AP3S2: variants seen among roughly 807,000 people sequenced by gnomAD.
AP3S2 encodes adaptor related protein complex 3 subunit sigma 2.
A neutral mutation model predicts 23.4 loss-of-function variants in AP3S2; 22 were observed. The ratio of observed to expected loss-of-function variants is 0.94; its 90% CI spans 0.67 to 1.34. AP3S2 has a LOEUF of 1.34. Ranked by LOEUF, AP3S2 falls within the 40% of genes most tolerant of loss-of-function variation. The probability of loss-of-function intolerance (pLI) is 0.00; values close to 1 mark genes in which losing one functional copy is unlikely to be tolerated. For synonymous variants in AP3S2, 86 were observed against 87.1 expected (o/e 0.99, Z 0.07); for missense variants, 241 against 236.9 (o/e 1.02, Z -0.11).
chr15:89,851,001 C>T (rs998614505), intron 4 of AP3S2, among the ~76,000 whole-genome samples: 93 of 151,648 alleles, frequency 6.1e-4, no homozygotes, highest in African/African-American at 2.2e-3. Context: ...AGCACCTGGC[C>T]GATTTTTCAC....
intron 4 of AP3S2, among the ~76,000 whole-genome samples, chr15:89,871,245 A>G (rs1449831250): frequency 6.6e-6 from 1 of 152,234 alleles, no homozygotes; most frequent in African/African-American, 2.4e-5. Context: ...CAGATGAACC[A>G]CGATATAGGC....
intron 4 of AP3S2, among the ~76,000 whole-genome samples, chr15:89,867,778 A>G (rs1464636420): frequency 1.4e-4 from 19 of 132,172 alleles, no homozygotes; most frequent in Non-Finnish European, 2.6e-4. Context: ...CTGCCTGGCA[A>G]CCACCCCGTA....
At chr15:89,839,413 G>A (rs1324478567) in intron 4 of AP3S2, among the ~76,000 whole-genome samples, 1 of 152,182 alleles carries the variant, frequency 6.6e-6, no homozygotes, top group African/African-American at 2.4e-5. Context: ...ACACTCTCAC[G>A]AGGTGTTCTT....
chr15:89,841,003 C>T (rs1030710539), intron 4 of AP3S2, among the ~76,000 whole-genome samples: 1 of 152,156 alleles, frequency 6.6e-6, no homozygotes, highest in Non-Finnish European at 1.5e-5. Flanking sequence ...CCTAGAACAA[C>T]GCTCAGAGTA....
rs530333741 is a variant in AP3S2, at chr15:89,835,201, C to A, written c.*314G>T. ...TGCAGTCCCTAACCCTTGGGAGCATCCATGTGAGAGGTAAAGGTGCAAATG... is the reference window on the plus strand; with the variant it reads ...TGCAGTCCCTAACCCTTGGGAGCATACATGTGAGAGGTAAAGGTGCAAATG... On this transcript the variant is annotated 3_prime_UTR_variant, in exon 6 of 6. Transcript: ENST00000336418. 15 of 457,784 alleles carry A rather than the reference C, an allele frequency of 3.3e-5. No individual in the cohort carries two copies. Among genetic ancestry groups the A allele is most frequent in the African/African-American group, 3.0e-4 (15 of 50,448 alleles). 28.4% of individuals were successfully genotyped at this position (457,784 alleles called of 1,614,324 possible).
intron 3 of AP3S2, among the ~76,000 whole-genome samples, chr15:89,875,698 C>A (rs1449729610): frequency 1.3e-5 from 2 of 152,196 alleles, no homozygotes; most frequent in Non-Finnish European, 2.9e-5. Context: ...TCTGTAGTCT[C>A]AGTACTTCGG....
At position 89,875,544 on chromosome 15, in the gene AP3S2, A is replaced by G. The variant is rs77605724; in HGVS notation, c.274-3998T>C. Reference sequence around the variant, plus strand: ...GGTAGGAAAATAATAAGCCTATTTCATGATGAGGCAAGAAGACAGGAATCC... The same window carrying G: ...GGTAGGAAAATAATAAGCCTATTTCGTGATGAGGCAAGAAGACAGGAATCC... On this transcript the variant is annotated intron_variant, in intron 3 of 5. Transcript: ENST00000336418. Among the ~76,000 whole-genome samples the G allele has an allele frequency of 9.0e-3, 1,373 of 152,360 alleles. 17 individuals carry two copies. The highest frequency in any genetic ancestry group is 0.031 in the African/African-American group (1,306 of 41,582).
chr15:89,889,448 TCAGA>T lies in AP3S2; in HGVS notation c.70-312_70-309del. On this transcript the variant is annotated intron_variant, in intron 1 of 5. Transcript: ENST00000336418. Reference sequence around the variant, plus strand: ...AACATTGATAAACTCTCATACAAAGTCAGAGAATAACTGGAAGGCCTGATCCTGA... The same window carrying T: ...AACATTGATAAACTCTCATACAAAGTGAATAACTGGAAGGCCTGATCCTGA... 2 of 152,076 alleles carry T rather than the reference TCAGA, an allele frequency of 1.3e-5. 1 individual carries two copies. Among genetic ancestry groups the T allele is most frequent in the Non-Finnish European group, 2.9e-5 (2 of 68,212 alleles). 9.4% of individuals were successfully genotyped at this position (152,076 alleles called of 1,614,324 possible).
chr15:89,888,372 G>T, intron 3 of AP3S2, 149 bp downstream of exon 3: 1 of 657,044 alleles, frequency 1.5e-6, no homozygotes, highest in South Asian at 2.1e-5. Context: ...GGGTTTCTCA[G>T]GAGCTCTCCC....
At chr15:89,867,906 G>A (rs1365418876) in intron 4 of AP3S2, among the ~76,000 whole-genome samples, 6 of 128,850 alleles carry the variant, frequency 4.7e-5, no homozygotes, top group East Asian at 4.9e-4. Flanking sequence ...CAGCCACCCC[G>A]TCCGGGAGGG....
At position 89,874,873 on chromosome 15, in the gene AP3S2, T is replaced by A. The variant is rs147763581; in HGVS notation, c.274-3327A>T. Among the ~76,000 whole-genome samples the A allele has an allele frequency of 3.1e-3, 466 of 152,324 alleles. 6 individuals carry two copies. Among genetic ancestry groups the A allele is most frequent in the African/African-American group, 0.011 (448 of 41,562 alleles). ...ATATAAATTACTGAAACATACATGT[T>A]TATAAAATGCAATTTTAAAAATAAG... On this transcript the variant is annotated intron_variant, in intron 3 of 5. Coordinates refer to ENST00000336418, the MANE Select transcript of AP3S2 (RefSeq NM_005829.5).
In AP3S2 at chr15:89,835,626, G is replaced by A; in HGVS notation, c.471C>T (p.Ala157=). ...TCACAGCAGACACAGCCCGCGCAGGGGCTGCTGAAAGGCCACCCTAAGAAG... is the reference window on the plus strand; with the variant it reads ...TCACAGCAGACACAGCCCGCGCAGGAGCTGCTGAAAGGCCACCCTAAGAAG... ...LEKSEGGLSA[A]PARAVSAVKN... The change falls in exon 6 of 6, where the codon GCC becomes GCT. Residue 157 remains alanine, a synonymous_variant. Transcript: ENST00000336418. 6.2e-7 allele frequency: 1 copy of A among 1,613,170 alleles called. No individual in the cohort carries two copies. The highest frequency in any genetic ancestry group is 1.3e-5 in the African/African-American group (1 of 74,802).
At chr15:89,839,828 C>T (rs141254790) in intron 4 of AP3S2, among the ~76,000 whole-genome samples, 1 of 152,028 alleles carries the variant, frequency 6.6e-6, no homozygotes, top group Non-Finnish European at 1.5e-5. Flanking sequence ...TATTATTCAG[C>T]CTTAAAAAGG....
chr15:89,849,276 T>A (rs144011424), intron 4 of AP3S2, among the ~76,000 whole-genome samples: 2 of 152,358 alleles, frequency 1.3e-5, no homozygotes, highest in East Asian at 3.9e-4. Context: ...CACACTCCCA[T>A]GACTTCTAAA....
At chr15:89,846,563 G>A (rs1189491625) in intron 4 of AP3S2, among the ~76,000 whole-genome samples, 1 of 150,030 alleles carries the variant, frequency 6.7e-6, no homozygotes, top group Non-Finnish European at 1.5e-5. Flanking sequence ...GTCTCGCTCT[G>A]TGGCCCAGGC....
rs945602772 is a variant in AP3S2 at position 89,867,461 on chromosome 15, G to C, written c.345+4014C>G. ...GGTCTGGGAAGTGAGGAGTGTCTCT[G>C]CCTGGCCGCCCATCGTCTGGGATGT... On this transcript the variant is annotated intron_variant, in intron 4 of 5. Coordinates refer to ENST00000336418, the MANE Select transcript of AP3S2 (RefSeq NM_005829.5). 3.3e-5 allele frequency among the ~76,000 whole-genome samples: 5 copies of C among 150,114 alleles called. 1 individual carries two copies. The highest frequency in any genetic ancestry group is 1.2e-4 in the African/African-American group (5 of 41,202).
intron 4 of AP3S2, among the ~76,000 whole-genome samples, chr15:89,841,568 C>T (rs929486399): frequency 3.9e-5 from 6 of 152,182 alleles, no homozygotes; most frequent in African/African-American, 7.2e-5. Context: ...TGAGAAATCA[C>T]GCAAGCTACA....
rs139352009 is a variant in AP3S2, at chr15:89,891,286, A to T, written c.70-2146T>A. ...GCTCATGAGGTCTTATAAAAATCCT[A>T]TGATCCAAAGATACACGAATGGGCA... is the stretch of plus-strand genomic sequence containing the variant. On this transcript the variant is annotated intron_variant, in intron 1 of 5. Coordinates refer to ENST00000336418, the MANE Select transcript of AP3S2 (RefSeq NM_005829.5). 2.0e-5 allele frequency among the ~76,000 whole-genome samples: 3 copies of T among 152,332 alleles called. 1 individual carries two copies. Among genetic ancestry groups the T allele is most frequent in the Middle Eastern group, 6.8e-3 (2 of 294 alleles).
intron 4 of AP3S2, among the ~76,000 whole-genome samples, chr15:89,849,417 A>G (rs1181711002): frequency 6.6e-6 from 1 of 151,858 alleles, no homozygotes; most frequent in Non-Finnish European, 1.5e-5. Flanking sequence ...CTCAGGCTGG[A>G]GTGCAGTGGC....
Sources: allele counts gnomAD v4.1 joint callset (sites outside exome capture counted in the v4.1 genomes callset), GRCh38; gene constraint gnomAD v4.1.1; transcripts MANE v1.5; gene names NCBI Gene and HGNC (gene_info 2026-07-23, HGNC 2026-07-21).